Variants in C8orf74 observed in about 807,000 individuals in gnomAD.
The protein encoded by C8orf74 is chromosome 8 open reading frame 74, also known as uncharacterized protein C8orf74.
C8orf74 carries 29 observed loss-of-function variants against 22.2 expected under a neutral mutation model. That is an observed-to-expected ratio of 1.31 (90% CI 0.97 to 1.78). C8orf74 has a LOEUF of 1.78. Ranked by LOEUF, C8orf74 falls within the 40% of genes most tolerant of loss-of-function variation. C8orf74 has a pLI of 0.00. For synonymous variants in C8orf74, 255 were observed against 163.1 expected, an observed-to-expected ratio of 1.56 and a Z score of -4.30; for missense variants, 515 against 369.9, an observed-to-expected ratio of 1.39 and a Z score of -3.22.
chr8:10,691,210 C>T, intron 2 of C8orf74: 1 of 329,238 alleles, frequency 3.0e-6, no homozygotes, highest in South Asian at 2.5e-5. Context: ...ACAAGGTCTA[C>T]ACTTGGTTTG....
Position 10,697,862 on chromosome 8 carries a change from G to C in C8orf74, c.505G>C (p.Ala169Pro). 5 of 1,613,282 alleles carry C rather than the reference G, an allele frequency of 3.1e-6. No homozygotes were observed. The highest frequency in any genetic ancestry group is 4.2e-6 in the Non-Finnish European group (5 of 1,179,592). ...RDLWIHEQQV[A>P]TLTEAEAQKR... ...CTTGTGGATCCACGAGCAGCAGGTGGCCACACTGACGGAGGCCGAGGCACA... is the reference window on the plus strand; with the variant it reads ...CTTGTGGATCCACGAGCAGCAGGTGCCCACACTGACGGAGGCCGAGGCACA... Residue 169 changes from alanine (A) to proline (P), a missense_variant, in exon 3 of 4, where the codon GCC becomes CCC. Physicochemically the swap from Ala to Pro is conservative, Grantham distance 27. Coordinates refer to ENST00000304519, the MANE Select transcript of C8orf74 (RefSeq NM_001040032.2).
At chr8:10,698,407 A>C (rs772661346) in intron 3 of C8orf74, among the ~76,000 whole-genome samples, 2 of 152,030 alleles carry the variant, frequency 1.3e-5, no homozygotes, top group Non-Finnish European at 2.9e-5. Flanking sequence ...GCATGCCCCT[A>C]GGATGGGGGA....
chr8:10,700,255 C>T lies in C8orf74; in HGVS notation c.669C>T (p.Cys223=). Residue 223 remains cysteine (C), a synonymous_variant, in exon 4 of 4, where the codon TGC becomes TGT. Coordinates refer to ENST00000304519, the MANE Select transcript of C8orf74 (RefSeq NM_001040032.2). ...LERQELESLI[C]QAVHTQMELL... ...TCCAGGAGTTGGAGAGCCTCATCTGCCAGGCAGTCCACACCCAGATGGAGC... is the reference window on the plus strand; with the variant it reads ...TCCAGGAGTTGGAGAGCCTCATCTGTCAGGCAGTCCACACCCAGATGGAGC... The T allele has an allele frequency of 6.2e-7, 1 of 1,603,736 alleles. No individual in the cohort carries two copies. The highest frequency in any genetic ancestry group is 2.2e-5 in the East Asian group (1 of 44,570).
intron 2 of C8orf74, among the ~76,000 whole-genome samples, chr8:10,682,752 G>T (rs1464937765): frequency 6.6e-6 from 1 of 152,196 alleles, no homozygotes; most frequent in Non-Finnish European, 1.5e-5. Context: ...CCACTCCTCG[G>T]GTGAGCCGGT....
chr8:10,698,027 G>T (rs1442178335), intron 3 of C8orf74, 22 bp downstream of exon 3: 5 of 1,448,766 alleles, frequency 3.5e-6, no homozygotes, highest in Non-Finnish European at 4.5e-6. Flanking sequence ...CCCCCCTGCC[G>T]TGGGTGGGCA....
At chr8:10,697,424 C>G (rs1387046332) in intron 2 of C8orf74, among the ~76,000 whole-genome samples, 175 bp from the exon 3 acceptor site, 1 of 152,074 alleles carries the variant, frequency 6.6e-6, no homozygotes, top group Non-Finnish European at 1.5e-5. Context: ...GCACTCCAGC[C>G]TGGGTGAGAG....
Position 10,679,846 on chromosome 8 carries a change from C to T in C8orf74, c.241+5008C>T, listed in dbSNP as rs528773584. 11 of 153,078 alleles carry T rather than the reference C, an allele frequency of 7.2e-5. No individual in the cohort carries two copies. The East Asian group carries it at 1.7e-3, about 24-fold the overall frequency. The allele number at this position is 153,078 out of a possible 1,614,324, so 9.5% of individuals were successfully genotyped here. ...CCCTGTGATGACTGCCTTGTCCGTC[C>T]TTCTCATGCCCTGCTTCACCAGGCC... On this transcript the variant is annotated intron_variant, in intron 2 of 3. Transcript: ENST00000304519.
At chr8:10,699,885 G>A (rs1278535225) in intron 3 of C8orf74, among the ~76,000 whole-genome samples, 1 of 152,216 alleles carries the variant, frequency 6.6e-6, no homozygotes, top group Non-Finnish European at 1.5e-5. Context: ...CAGCCTGGCC[G>A]TCACTCTAGG....
chr8:10,698,478 A>T (rs1263817324), intron 3 of C8orf74, among the ~76,000 whole-genome samples: 1 of 152,118 alleles, frequency 6.6e-6, no homozygotes, highest in Non-Finnish European at 1.5e-5. Context: ...CCAGGGAGAC[A>T]AAGGCTGGAG....
chr8:10,682,189 T>A (rs1799165585), intron 2 of C8orf74, among the ~76,000 whole-genome samples: 1 of 152,128 alleles, frequency 6.6e-6, no homozygotes, highest in African/African-American at 2.4e-5. Context: ...CTGACACCCC[T>A]CAGGCGAGAC....
chr8:10,682,332 A>G (rs2129056931), intron 2 of C8orf74, among the ~76,000 whole-genome samples: 1 of 152,334 alleles, frequency 6.6e-6, no homozygotes, highest in South Asian at 2.1e-4. Context: ...GCCTCCGTGC[A>G]GTATTAGTTT....
rs369884261 is a variant in C8orf74 at position 10,700,438 on chromosome 8, G to A, written c.852G>A (p.Ala284=). 18 of 1,601,188 alleles carry A rather than the reference G, an allele frequency of 1.1e-5. No homozygotes were observed. Among genetic ancestry groups the A allele is most frequent in the Admixed American group, 6.8e-5 (4 of 58,414 alleles). Residue 284 remains alanine, a synonymous_variant, in exon 4 of 4, where the codon GCG becomes GCA. Coordinates refer to ENST00000304519, the MANE Select transcript of C8orf74 (RefSeq NM_001040032.2). ...GQEEALKPQR[A]SKGKKAKARK is the part of the protein sequence containing the mutation. ...AGGAAGCCCTGAAGCCCCAAAGAGC[G>A]AGCAAAGGAAAGAAAGCGAAGGCAA...
rs777260204 is a variant in C8orf74 at position 10,697,672 on chromosome 8, C to G, written c.315C>G (p.Thr105=). ...LRDYRGHFNT[T]HLLALCDYFH... is the part of the protein sequence containing the mutation. Reference sequence around the variant, plus strand: ...ATTACCGGGGCCATTTCAACACCACCCACCTGCTGGCCCTCTGTGACTACT... The same window carrying G: ...ATTACCGGGGCCATTTCAACACCACGCACCTGCTGGCCCTCTGTGACTACT... Residue 105 remains threonine, a synonymous_variant, in exon 3 of 4, where the codon ACC becomes ACG. Coordinates refer to ENST00000304519, the MANE Select transcript of C8orf74 (RefSeq NM_001040032.2). The G allele has an allele frequency of 1.9e-6, 3 of 1,613,876 alleles. No individual in the cohort carries two copies. Among genetic ancestry groups the G allele is most frequent in the Non-Finnish European group, 2.5e-6 (3 of 1,179,874 alleles).
chr8:10,674,156 C>A (rs1303136937), intron 1 of C8orf74, among the ~76,000 whole-genome samples: 1 of 143,252 alleles, frequency 7.0e-6, no homozygotes, highest in African/African-American at 2.6e-5. Context: ...ACACATCACA[C>A]CCTGCAGCCC....
intron 1 of C8orf74, among the ~76,000 whole-genome samples, chr8:10,674,026 C>A: frequency 7.2e-6 from 1 of 138,596 alleles, no homozygotes; most frequent in Non-Finnish European, 1.5e-5. Flanking sequence ...ACCCCCATAT[C>A]ATACCCCACA....
chr8:10,696,226 G>A (rs1300474347), intron 2 of C8orf74, among the ~76,000 whole-genome samples: 1 of 151,992 alleles, frequency 6.6e-6, no homozygotes, highest in African/African-American at 2.4e-5. Context: ...GTCGTGAGCA[G>A]GAGGAGTGAA....
chr8:10,700,557 G>T lies in C8orf74; in HGVS notation c.*86G>T, dbSNP rs1363350547. ...CGGCACGGTGAGCTCAGCACCCACA[G>T]AGAGACTTCTTGTGATTAAAAGAAA... On this transcript the variant is annotated 3_prime_UTR_variant, in exon 4 of 4. Transcript: ENST00000304519. 2.5e-6 allele frequency: 2 copies of T among 787,030 alleles called. No individual in the cohort carries two copies. The highest frequency in any genetic ancestry group is 4.0e-6 in the Non-Finnish European group (2 of 502,102). 48.8% of individuals were successfully genotyped at this position (787,030 alleles called of 1,614,324 possible).
intron 2 of C8orf74, among the ~76,000 whole-genome samples, chr8:10,678,159 G>A (rs1439400383): frequency 6.6e-6 from 1 of 152,186 alleles, no homozygotes; most frequent in African/African-American, 2.4e-5. Flanking sequence ...CAGGAGGCTG[G>A]GGGTCCAGAG....
intron 2 of C8orf74, among the ~76,000 whole-genome samples, chr8:10,677,546 C>T (rs117856788): frequency 0.015 from 2,295 of 152,134 alleles, 45 homozygotes; most frequent in Admixed American, 0.06. Flanking sequence ...GTCAAATATG[C>T]CTGTGTTTAC....
Sources: allele counts gnomAD v4.1 joint callset (sites outside exome capture counted in the v4.1 genomes callset), GRCh38; gene constraint gnomAD v4.1.1; transcripts MANE v1.5; gene names NCBI Gene and HGNC (gene_info 2026-07-23, HGNC 2026-07-21).